The following PPFIA1 variants were observed in gnomAD, a reference collection of about 807,000 sequenced individuals.
The protein encoded by PPFIA1 is liprin-alpha-1.
In PPFIA1, 25 loss-of-function variants were observed where a neutral mutation model predicts 149.9. That is an observed-to-expected ratio of 0.17 (90% CI 0.12 to 0.23). The LOEUF (loss-of-function observed/expected upper bound fraction) is 0.23. Among genes scored for constraint, PPFIA1 ranks in the 10% least tolerant of loss-of-function variants. PPFIA1 has a pLI of 1.00. For missense variants in PPFIA1, 1,362 were observed against 1,506.5 expected, an observed-to-expected ratio of 0.90 and a Z score of 1.59; for synonymous variants, 549 against 552.8, an observed-to-expected ratio of 0.99 and a Z score of 0.10.
chr11:70,352,751 GGGAGGGCGGCGTGTGGAGGTGT>G (rs1565435700), intron 16 of PPFIA1, among the ~76,000 whole-genome samples: 1 of 119,852 alleles, frequency 8.3e-6, no homozygotes, highest in Non-Finnish European at 1.7e-5. Flanking sequence ...GTGGAGGGGT[GGGAGGGCGGCGTGTGGAGGTGT>G]CGGAGGGCGG....
At chr11:70,337,290 TA>T in intron 11 of PPFIA1, 74 bp from the exon 12 acceptor site, 4 of 1,000,888 alleles carry the variant, frequency 4.0e-6, no homozygotes, top group Non-Finnish European at 4.3e-6. Context: ...TTTTTTTTTT[TA>T]AACGAATACA....
Position 70,326,708 on chromosome 11 carries a change from G to A in PPFIA1, c.820G>A (p.Ala274Thr), listed in dbSNP as rs145283300. ...REQSQMKERL[A>T]SLSSHVTELE... ...ACAGAGCCAAATGAAAGAACGCCTG[G>A]CTTCCCTTTCCAGTCATGTGACAGA... The change falls in exon 7 of 28, where the codon GCT becomes ACT. Residue 274 changes from alanine to threonine, a missense_variant. Transcript: ENST00000253925. 2.5e-6 allele frequency: 4 copies of A among 1,613,950 alleles called. No individual in the cohort carries two copies. The African/African-American group carries it at 5.3e-5, about 22-fold the overall frequency.
At chr11:70,355,473 C>G in intron 17 of PPFIA1, among the ~76,000 whole-genome samples, 166 bp from the exon 18 acceptor site, 1 of 152,170 alleles carries the variant, frequency 6.6e-6, no homozygotes, top group East Asian at 1.9e-4. Context: ...CAGAATGGGT[C>G]TCCGCGCTGG....
intron 2 of PPFIA1, among the ~76,000 whole-genome samples, chr11:70,293,942 CTTT>C (rs35307008): frequency 2.3e-5 from 3 of 128,122 alleles, no homozygotes; most frequent in African/African-American, 3.0e-5. Context: ...CTCTCTCTCT[CTTT>C]TTTTTTTTTT....
chr11:70,366,764 G>A (rs181842787), intron 21 of PPFIA1, among the ~76,000 whole-genome samples: 35 of 152,296 alleles, frequency 2.3e-4, no homozygotes, highest in African/African-American at 8.4e-4. Flanking sequence ...TCCTGATTAC[G>A]AGGTGATGGT....
intron 21 of PPFIA1, among the ~76,000 whole-genome samples, chr11:70,370,121 T>G (rs1267631315): frequency 6.6e-6 from 1 of 151,970 alleles, no homozygotes; most frequent in Non-Finnish European, 1.5e-5. Flanking sequence ...TAGCTAATTT[T>G]TGTACTTTTA....
At chr11:70,356,988 C>T (rs895570565) in intron 19 of PPFIA1, among the ~76,000 whole-genome samples, 2 of 152,268 alleles carry the variant, frequency 1.3e-5, no homozygotes, top group African/African-American at 4.8e-5. Context: ...GTGGAGGAAT[C>T]GGGTTTCTGT....
At chr11:70,321,822 C>T (rs747853489) in intron 2 of PPFIA1, among the ~76,000 whole-genome samples, 67 of 152,154 alleles carry the variant, frequency 4.4e-4, no homozygotes, top group African/African-American at 1.4e-3. Context: ...GGCCTGTAGC[C>T]GACTCTGTAC....
intron 6 of PPFIA1, 68 bp downstream of exon 6, chr11:70,326,431 G>A (rs2054292373): frequency 7.0e-7 from 1 of 1,428,824 alleles, no homozygotes; most frequent in Non-Finnish European, 9.7e-7. Flanking sequence ...CGGGTTATGT[G>A]GAAAACAGTT....
chr11:70,339,421 C>T (rs2055176876), intron 14 of PPFIA1, 115 bp downstream of exon 14: 2 of 1,214,370 alleles, frequency 1.6e-6, no homozygotes, highest in Admixed American at 5.5e-5. Context: ...TTGCCCTCCT[C>T]TCATTTTCTA....
chr11:70,379,225 T>C (rs1302328854), intron 26 of PPFIA1, among the ~76,000 whole-genome samples: 2 of 151,936 alleles, frequency 1.3e-5, no homozygotes, highest in South Asian at 2.1e-4. Context: ...CATTAAAAAC[T>C]GTGCTAATCC....
chr11:70,379,612 A>AC (rs200897910), intron 26 of PPFIA1, among the ~76,000 whole-genome samples: 26,709 of 139,088 alleles, frequency 0.19, 3,060 homozygotes, highest in African/African-American at 0.39. Context: ...CCCCATCTCT[A>AC]AAAAAAAAAA....
At chr11:70,333,825 T>C (rs927878917) in intron 10 of PPFIA1, among the ~76,000 whole-genome samples, 10 of 152,188 alleles carry the variant, frequency 6.6e-5, no homozygotes, top group Admixed American at 6.5e-4. Context: ...TTCTTGCTTG[T>C]CTAGCGGCCT....
intron 1 of PPFIA1, 47 bp downstream of exon 1, chr11:70,270,961 G>C (rs1192164172): frequency 6.6e-6 from 1 of 151,638 alleles, no homozygotes; most frequent in Non-Finnish European, 1.5e-5. Flanking sequence ...AGGCGTCACC[G>C]GCGCGTCCCG....
rs1229745142 is a variant in PPFIA1, at chr11:70,384,131, A to ATT, written c.*1142_*1143dup. ...GTGGCTTTTACTTTTTAAATGGCATATTAACAAGCCAGCAAAGTGTGTCAG... is the reference window on the plus strand; with the variant it reads ...GTGGCTTTTACTTTTTAAATGGCATATTTTAACAAGCCAGCAAAGTGTGTCAG... On this transcript the variant is annotated 3_prime_UTR_variant, in exon 28 of 28. Coordinates refer to ENST00000253925, the MANE Select transcript of PPFIA1 (RefSeq NM_003626.5). 6.6e-6 allele frequency: 1 copy of ATT among 152,260 alleles called. No homozygotes were observed. Among genetic ancestry groups the ATT allele is most frequent in the African/African-American group, 2.4e-5 (1 of 41,482 alleles). The allele number at this position is 152,260 out of a possible 1,614,324, so 9.4% of individuals were successfully genotyped here. A position where few individuals can be genotyped will look rare whatever the true frequency, so the allele number is the denominator to read the frequency against.
At position 70,330,301 on chromosome 11, in the gene PPFIA1, A is replaced by G. The variant is rs751078215; in HGVS notation, c.1059A>G (p.Lys353=). ...AACTTGAAAATGAAATTGCAAATAA[A>G]GATTCTATGCATCGACAGGTAATGG... is the stretch of plus-strand genomic sequence containing the variant. ...NDKLENEIAN[K]DSMHRQTEDK... The change falls in exon 8 of 28, where the codon AAA becomes AAG. Residue 353 remains lysine (K), a synonymous_variant. Coordinates refer to ENST00000253925, the MANE Select transcript of PPFIA1 (RefSeq NM_003626.5). The G allele has an allele frequency of 4.4e-6, 7 of 1,585,374 alleles. No individual in the cohort carries two copies. The highest frequency in any genetic ancestry group is 3.3e-4 in the Middle Eastern group (2 of 6,024).
At chr11:70,314,498 C>T (rs144669279) in intron 2 of PPFIA1, among the ~76,000 whole-genome samples, 303 of 152,250 alleles carry the variant, frequency 2.0e-3, no homozygotes, top group African/African-American at 6.8e-3. Flanking sequence ...GCAATACAGA[C>T]TTAAAAATTA....
rs774129879 is a variant in PPFIA1, at chr11:70,343,865, A to G, written c.1904A>G (p.Gln635Arg). 1 of 1,613,996 alleles carries G rather than the reference A, an allele frequency of 6.2e-7. No homozygotes were observed. Among genetic ancestry groups the G allele is most frequent in the Non-Finnish European group, 8.5e-7 (1 of 1,180,002 alleles). ...AHTLAMMLQE[Q>R]LDAINKEIRL... ...ACACTAGCCATGATGCTTCAGGAGCAGCTGGACGCCATCAACAAAGAGATC... is the reference window on the plus strand; with the variant it reads ...ACACTAGCCATGATGCTTCAGGAGCGGCTGGACGCCATCAACAAAGAGATC... Residue 635 changes from glutamine to arginine, a missense_variant, in exon 15 of 28, where the codon CAG (glutamine) becomes CGG (arginine). Gln to Arg is a conservative substitution (Grantham distance 43). Around this residue, in one of 7 missense-constraint regions of PPFIA1, gnomAD observed 733 missense variants for 744.1 expected, o/e 0.99. Coordinates refer to ENST00000253925, the MANE Select transcript of PPFIA1 (RefSeq NM_003626.5).
chr11:70,347,041 G>C (rs1026050319), intron 15 of PPFIA1, among the ~76,000 whole-genome samples: 2 of 152,016 alleles, frequency 1.3e-5, no homozygotes, highest in African/African-American at 4.8e-5. Context: ...ATCAGATAAC[G>C]CTCTGGTTCA....
Sources: allele counts gnomAD v4.1 joint callset (sites outside exome capture counted in the v4.1 genomes callset), GRCh38; gene constraint gnomAD v4.1.1; regional missense constraint gnomAD v4.1.1; transcripts MANE v1.5; gene names NCBI Gene and HGNC (gene_info 2026-07-23, HGNC 2026-07-21).